ZNF732: variants seen among roughly 807,000 people sequenced by gnomAD.
ZNF732 encodes the protein zinc finger protein LOC654254.
ZNF732 carries 12 observed loss-of-function variants against 11.5 expected under a neutral mutation model. The ratio of observed to expected loss-of-function variants is 1.05; its 90% CI spans 0.67 to 1.70. The LOEUF is 1.70. Among genes scored for constraint, ZNF732 ranks in the 40% most tolerant of loss-of-function variants. The pLI, the probability that ZNF732 is intolerant of heterozygous loss-of-function variation, is 0.00. For missense variants in ZNF732, 702 were observed against 676.9 expected, an observed-to-expected ratio of 1.04 and a Z score of -0.41; for synonymous variants, 231 against 236.5, an observed-to-expected ratio of 0.98 and a Z score of 0.21.
At position 299,575 on chromosome 4, in the gene ZNF732, AT is replaced by A. The variant is rs1560165487; in HGVS notation, c.4-3421del. On this transcript the variant is annotated intron_variant, in intron 1 of 3. Coordinates refer to ENST00000419098, the MANE Select transcript of ZNF732 (RefSeq NM_001137608.3). ...TATGTATATATATAGTTTTATATAT[AT>A]AATTTATATATAAATATATATTTAT... Among the ~76,000 whole-genome samples, 47 of 140,234 alleles carry A rather than the reference AT, an allele frequency of 3.4e-4. 1 individual carries two copies. The highest frequency in any genetic ancestry group is 1.2e-3 in the African/African-American group (46 of 37,580). 92.0% of individuals were successfully genotyped at this position (140,234 alleles called of 152,430 possible).
chr4:271,874 T>C lies in ZNF732; in HGVS notation c.983A>G (p.His328Arg). The C allele has an allele frequency of 1.9e-6, 3 of 1,613,716 alleles. No homozygotes were observed. The highest frequency in any genetic ancestry group is 2.2e-5 in the South Asian group (2 of 91,032). ...STTLTKHNRI[H>R]TGEKPYTCEE... ...ACATGTGTAGGGTTTCTCTCCAGTA[T>C]GAATTCTGTTATGTTTAGTAAGGGT... The change falls in exon 4 of 4, where the codon CAT (histidine) becomes CGT (arginine). Residue 328 changes from histidine to arginine, a missense_variant. This residue lies in a region of ZNF732 where 596 missense variants were observed against 557.9 expected (regional missense o/e 1.07). Coordinates refer to ENST00000419098, the MANE Select transcript of ZNF732 (RefSeq NM_001137608.3).
intron 3 of ZNF732, among the ~76,000 whole-genome samples, chr4:291,756 T>G (rs1344956450): frequency 2.6e-5 from 4 of 152,208 alleles, no homozygotes; most frequent in African/African-American, 7.2e-5. Context: ...CAATTTTAAA[T>G]AACGTAAGCC....
chr4:279,042 G>A (rs1455820419), intron 3 of ZNF732, among the ~76,000 whole-genome samples: 1 of 152,106 alleles, frequency 6.6e-6, no homozygotes, highest in Non-Finnish European at 1.5e-5. Context: ...GATATTGTGT[G>A]TGTGTCTTTT....
chr4:294,145 C>T (rs985752142), intron 3 of ZNF732, among the ~76,000 whole-genome samples: 1 of 152,200 alleles, frequency 6.6e-6, no homozygotes. Flanking sequence ...GGATTACAGG[C>T]GCCCCCCACC....
intron 3 of ZNF732, among the ~76,000 whole-genome samples, chr4:290,821 C>T (rs185629273): frequency 5.3e-5 from 8 of 152,336 alleles, no homozygotes; most frequent in East Asian, 1.9e-4. Flanking sequence ...CCAGCAGCAC[C>T]CTTGTGACCC....
At chr4:299,418 C>CATATGTATATAT (rs1560165134) in intron 1 of ZNF732, among the ~76,000 whole-genome samples, 2 of 83,492 alleles carry the variant, frequency 2.4e-5, no homozygotes, top group Admixed American at 1.5e-4. Context: ...TATATATACA[C>CATATGTATATAT]ATATATACAC....
At position 271,410 on chromosome 4, in the gene ZNF732, A is replaced by T; in HGVS notation, c.1447T>A (p.Phe483Ile). 2 of 1,601,936 alleles carry T rather than the reference A, an allele frequency of 1.2e-6. No individual in the cohort carries two copies. Among genetic ancestry groups the T allele is most frequent in the Non-Finnish European group, 1.7e-6 (2 of 1,173,908 alleles). Reference sequence around the variant, plus strand: ...TTATTCAGGGCTCTGGAACATAAAAAGGCTTTGCCACACTCTTCACATCTA... The same window carrying T: ...TTATTCAGGGCTCTGGAACATAAAATGGCTTTGCCACACTCTTCACATCTA... ...PYRCEECGKA[F>I]LCSRALNKHK... Residue 483 changes from phenylalanine (F) to isoleucine (I), a missense_variant, in exon 4 of 4, where the codon TTT (phenylalanine) becomes ATT (isoleucine). Phe to Ile is a conservative substitution (Grantham distance 21, BLOSUM62 0). This residue lies in a region of ZNF732 where 596 missense variants were observed against 557.9 expected (regional missense o/e 1.07). Transcript: ENST00000419098.
chr4:290,334 T>G (rs1719818034), intron 3 of ZNF732, among the ~76,000 whole-genome samples: 1 of 152,188 alleles, frequency 6.6e-6, no homozygotes, highest in Admixed American at 6.5e-5. Context: ...ATTCCAAAAA[T>G]AGTTCTGTAA....
intron 3 of ZNF732, among the ~76,000 whole-genome samples, chr4:275,593 A>G: frequency 6.6e-6 from 1 of 151,758 alleles, no homozygotes; most frequent in East Asian, 1.9e-4. Context: ...ATAAACTCTC[A>G]CACATGGTCA....
chr4:305,365 A>T lies in ZNF732; in HGVS notation c.-55T>A. ...CAGCTACGAATCATCCAATACCCGC[A>T]GGTCACAGAGCGACGGAGGCTGAGG... On this transcript the variant is annotated 5_prime_UTR_variant, in exon 1 of 4. Coordinates refer to ENST00000419098, the MANE Select transcript of ZNF732 (RefSeq NM_001137608.3). The T allele has an allele frequency of 6.2e-7, 1 of 1,605,046 alleles. No individual in the cohort carries two copies. The highest frequency in any genetic ancestry group is 8.5e-7 in the Non-Finnish European group (1 of 1,179,052).
chr4:284,408 G>A (rs1272217951), intron 3 of ZNF732, among the ~76,000 whole-genome samples: 4 of 151,984 alleles, frequency 2.6e-5, no homozygotes, highest in African/African-American at 9.7e-5. Flanking sequence ...ATCAAAAGTA[G>A]AATGTAACAA....
chr4:292,202 A>G (rs1553841422), intron 3 of ZNF732, among the ~76,000 whole-genome samples: 2 of 152,198 alleles, frequency 1.3e-5, no homozygotes, highest in Admixed American at 6.5e-5. Flanking sequence ...AGAAAACACA[A>G]GTGGGATTGT....
intron 1 of ZNF732, among the ~76,000 whole-genome samples, chr4:301,757 T>A (rs1240553984): frequency 6.6e-6 from 1 of 152,142 alleles, no homozygotes; most frequent in Non-Finnish European, 1.5e-5. Flanking sequence ...TTAGGAGATA[T>A]ACCTAATATA....
At chr4:280,884 T>C (rs1719606381) in intron 3 of ZNF732, among the ~76,000 whole-genome samples, 1 of 152,214 alleles carries the variant, frequency 6.6e-6, no homozygotes, top group Non-Finnish European at 1.5e-5. Flanking sequence ...TGGTTCTATC[T>C]GTGATCTCTG....
intron 1 of ZNF732, among the ~76,000 whole-genome samples, chr4:299,420 TATATACAC>T (rs1560165144): frequency 2.9e-5 from 3 of 103,624 alleles, no homozygotes; most frequent in East Asian, 5.6e-4. Flanking sequence ...TATATACACA[TATATACAC>T]ATATGTGTAT....
At chr4:299,403 GTATATATA>G (rs142703749) in intron 1 of ZNF732, among the ~76,000 whole-genome samples, 12 of 89,708 alleles carry the variant, frequency 1.3e-4, no homozygotes, top group South Asian at 7.1e-4. Context: ...ACACATATGT[GTATATATA>G]TATACACATA....
intron 3 of ZNF732, among the ~76,000 whole-genome samples, chr4:273,536 A>G (rs1553838200): frequency 6.6e-6 from 1 of 152,012 alleles, no homozygotes; most frequent in Non-Finnish European, 1.5e-5. Context: ...AACTAAATGT[A>G]ATCAGAAAAA....
intron 3 of ZNF732, among the ~76,000 whole-genome samples, chr4:288,953 T>C (rs546467507): frequency 6.6e-6 from 1 of 152,310 alleles, no homozygotes; most frequent in East Asian, 1.9e-4. Context: ...CGTATTGCTA[T>C]AAATACCTGA....
At chr4:295,350 A>G in intron 3 of ZNF732, 88 bp downstream of exon 3, 1 of 1,067,332 alleles carries the variant, frequency 9.4e-7, no homozygotes, top group Non-Finnish European at 1.3e-6. Flanking sequence ...ACTGGAGCAG[A>G]GCTTCCCAAA....
Sources: allele counts gnomAD v4.1 joint callset (sites outside exome capture counted in the v4.1 genomes callset), GRCh38; gene constraint gnomAD v4.1.1; regional missense constraint gnomAD v4.1.1; transcripts MANE v1.5; gene names NCBI Gene and HGNC (gene_info 2026-07-23, HGNC 2026-07-21).